TACC2: variants seen among roughly 807,000 people sequenced by gnomAD.
The protein encoded by TACC2 is transforming acidic coiled-coil-containing protein 2.
Under a neutral mutation model 227.3 loss-of-function variants are expected in TACC2, and 137 were observed. The ratio of observed to expected loss-of-function variants is 0.60; its 90% CI spans 0.52 to 0.69. The LOEUF is 0.69. Among genes scored for constraint, TACC2 ranks in the 30% least tolerant of loss-of-function variants. The pLI is 0.00. For synonymous variants in TACC2, 1,523 were observed against 1,487.5 expected (o/e 1.02, Z -0.55); for missense variants, 3,470 against 3,694.4 (o/e 0.94, Z 1.57).
intron 2 of TACC2, among the ~76,000 whole-genome samples, chr10:122,041,437 C>CTTTT (rs1159356264): frequency 5.6e-5 from 6 of 107,832 alleles, no homozygotes; most frequent in Non-Finnish European, 1.1e-4. Context: ...ACAGAGTTTC[C>CTTTT]TTTCTTTTTT....
intron 7 of TACC2, among the ~76,000 whole-genome samples, chr10:122,183,675 T>C (rs905604638): frequency 1.3e-5 from 2 of 152,170 alleles, no homozygotes; most frequent in African/African-American, 2.4e-5. Flanking sequence ...GAGAGGTTGC[T>C]CTGGGAAACT....
chr10:122,234,555 G>A (rs1056037629), intron 16 of TACC2, among the ~76,000 whole-genome samples: 36 of 152,224 alleles, frequency 2.4e-4, no homozygotes, highest in Non-Finnish European at 1.5e-5. Flanking sequence ...GGAAACCAGA[G>A]TGTACACAAT....
At chr10:122,143,001 G>A (rs919780623) in intron 6 of TACC2, among the ~76,000 whole-genome samples, 3 of 152,134 alleles carry the variant, frequency 2.0e-5, no homozygotes, top group African/African-American at 7.2e-5. Flanking sequence ...GTCCAGCAGG[G>A]GGCACTCGTT....
chr10:122,024,220 G>C (rs1176157416), intron 2 of TACC2, among the ~76,000 whole-genome samples: 1 of 152,016 alleles, frequency 6.6e-6, no homozygotes, highest in Non-Finnish European at 1.5e-5. Flanking sequence ...AAAAAAATTA[G>C]CTGGGTGTGG....
intron 3 of TACC2, among the ~76,000 whole-genome samples, chr10:122,069,061 C>CCGTCTCTGGGGTTCTCTCCGTTCAGTCT (rs2077726164): frequency 6.6e-6 from 1 of 151,906 alleles, no homozygotes; most frequent in African/African-American, 2.4e-5. Context: ...CCGATCAGTC[C>CCGTCTCTGGGGTTCTCTCCGTTCAGTCT]TCCCCTCTCT....
intron 7 of TACC2, among the ~76,000 whole-genome samples, chr10:122,149,264 G>C (rs1387289169): frequency 2.0e-5 from 3 of 152,236 alleles, no homozygotes; most frequent in African/African-American, 7.2e-5. Context: ...GCTGCGGACA[G>C]CTGTCCCCTA....
At chr10:122,184,655 C>G (rs1247241380) in intron 7 of TACC2, among the ~76,000 whole-genome samples, 2 of 152,202 alleles carry the variant, frequency 1.3e-5, no homozygotes, top group East Asian at 1.9e-4. Flanking sequence ...ACATAAACAG[C>G]ACCTATGTGT....
intron 2 of TACC2, among the ~76,000 whole-genome samples, chr10:122,041,436 C>CCTTT (rs1387347650): frequency 5.2e-5 from 6 of 114,772 alleles, no homozygotes; most frequent in Admixed American, 8.7e-5. Context: ...CACAGAGTTT[C>CCTTT]CTTTCTTTTT....
At chr10:122,081,460 A>G (rs1309544928) in intron 3 of TACC2, among the ~76,000 whole-genome samples, 1 of 149,744 alleles carries the variant, frequency 6.7e-6, no homozygotes, top group Non-Finnish European at 1.5e-5. Flanking sequence ...CCCAGGAGGC[A>G]GAGCTTGCAG....
chr10:122,071,843 C>T (rs1309084578), intron 3 of TACC2, among the ~76,000 whole-genome samples: 5 of 146,748 alleles, frequency 3.4e-5, no homozygotes, highest in East Asian at 2.1e-4. Context: ...GCCGAGATTG[C>T]GCCACTGCAC....
chr10:122,084,559 A>T lies in TACC2; in HGVS notation c.2059A>T (p.Ile687Phe), dbSNP rs745336794. Residue 687 changes from isoleucine to phenylalanine, a missense_variant, in exon 4 of 23, where the codon ATC (isoleucine) becomes TTC (phenylalanine). Ile to Phe is a conservative substitution (Grantham distance 21). Transcript: ENST00000369005. ...AGEPTVPEGAIWEGSGLQPKC... is the reference protein window; with the variant it reads ...AGEPTVPEGAFWEGSGLQPKC... ...TGAGCCCACTGTTCCCGAAGGAGCC[A>T]TCTGGGAGGGGTCAGGATTGCAGCC... 1 of 1,613,638 alleles carries T rather than the reference A, an allele frequency of 6.2e-7. No individual in the cohort carries two copies. The highest frequency in any genetic ancestry group is 1.7e-5 in the Admixed American group (1 of 60,008).
intron 3 of TACC2, among the ~76,000 whole-genome samples, chr10:122,058,742 C>T (rs1015223572): frequency 1.3e-5 from 2 of 151,972 alleles, no homozygotes; most frequent in African/African-American, 4.8e-5. Context: ...GCTTTCCTCC[C>T]CAAATTTATG....
In TACC2 at chr10:122,150,510, A is replaced by G. The variant is rs565556510; in HGVS notation, c.5834+6804A>G. On this transcript the variant is annotated intron_variant, in intron 7 of 22. Coordinates refer to ENST00000369005, the MANE Select transcript of TACC2 (RefSeq NM_206862.4). This position sits in a 1 kb window ranked among gnomAD's most constrained non-coding sequence, Gnocchi z 4.0. ...CCCTGCGGGAGGCTGCGTTCCTTCCAAGCCAAATGCGTGCTCTCCAGCCCT... is the reference window on the plus strand; with the variant it reads ...CCCTGCGGGAGGCTGCGTTCCTTCCGAGCCAAATGCGTGCTCTCCAGCCCT... Among the ~76,000 whole-genome samples the G allele has an allele frequency of 2.6e-5, 4 of 152,284 alleles. No individual in the cohort carries two copies. The South Asian group carries it at 8.3e-4, about 32-fold the overall frequency.
chr10:122,082,853 C>G lies in TACC2; in HGVS notation c.353C>G (p.Pro118Arg), dbSNP rs376962666. 4 of 1,613,544 alleles carry G rather than the reference C, an allele frequency of 2.5e-6. No individual in the cohort carries two copies. The East Asian group carries it at 6.7e-5, about 27-fold the overall frequency. ...SSSMPFAECP[P>R]EGCLASPAAA... is the part of the protein sequence containing the mutation. ...TCCATGCCCTTTGCCGAGTGTCCCC[C>G]GGAAGGTTGCTTGGCAAGTCCAGCA... is the stretch of plus-strand genomic sequence containing the variant. The change falls in exon 4 of 23, where the codon CCG becomes CGG. Residue 118 changes from proline (P) to arginine (R), a missense_variant. Pro to Arg is a moderately radical substitution (Grantham distance 103). Around this residue, in one of 10 missense-constraint regions of TACC2, gnomAD observed 405 missense variants for 389.6 expected, o/e 1.04. Coordinates refer to ENST00000369005, the MANE Select transcript of TACC2 (RefSeq NM_206862.4).
intron 11 of TACC2, among the ~76,000 whole-genome samples, chr10:122,220,038 C>CAA (rs1238298687): frequency 9.4e-5 from 9 of 96,030 alleles, no homozygotes; most frequent in African/African-American, 2.1e-4. Context: ...ACTCTGTCTC[C>CAA]AAAAAAAAAA....
chr10:122,222,568 G>C (rs2095542484), intron 11 of TACC2, among the ~76,000 whole-genome samples: 1 of 152,184 alleles, frequency 6.6e-6, no homozygotes, highest in African/African-American at 2.4e-5. Context: ...GGAGGAATGG[G>C]GACACAGGAC....
At chr10:122,199,103 C>A (rs569038904) in intron 8 of TACC2, among the ~76,000 whole-genome samples, 1 of 152,240 alleles carries the variant, frequency 6.6e-6, no homozygotes, top group South Asian at 2.1e-4. Flanking sequence ...CGTGTTGGGG[C>A]CTTGGAGGTA....
intron 1 of TACC2, among the ~76,000 whole-genome samples, chr10:122,021,239 A>AGG (rs1554964390): frequency 1.5e-4 from 22 of 146,232 alleles, no homozygotes; most frequent in African/African-American, 4.6e-4. Context: ...GAAAAAAAAA[A>AGG]GGCGGGGGGG....
At chr10:122,181,065 A>C (rs2093956958) in intron 7 of TACC2, among the ~76,000 whole-genome samples, 2 of 151,386 alleles carry the variant, frequency 1.3e-5, no homozygotes, top group African/African-American at 2.4e-5. Flanking sequence ...ATTTTAAGGC[A>C]TCCTAGAGCC....
Sources: gnomAD v4.1 joint callset for allele counts (sites outside exome capture counted in the v4.1 genomes callset) on GRCh38, gnomAD v4.1.1 for gene constraint, gnomAD v4.1.1 regional missense constraint, Gnocchi (gnomAD v3.1) non-coding constraint, MANE v1.5 for transcripts, NCBI Gene and HGNC (gene_info 2026-07-23, HGNC 2026-07-21) for gene names.